The following ASH1L variants were observed in gnomAD, a reference collection of about 807,000 sequenced individuals.
The protein encoded by ASH1L is histone-lysine N-methyltransferase ASH1L.
In ASH1L, 23 loss-of-function variants were observed where a neutral mutation model predicts 269.0. The ratio of observed to expected loss-of-function variants is 0.09; its 90% CI spans 0.06 to 0.12. The LOEUF is 0.12. Among genes scored for constraint, ASH1L ranks in the 10% least tolerant of loss-of-function variants. ASH1L has a pLI of 1.00. For synonymous variants in ASH1L, 1,187 were observed against 1,253.5 expected, an observed-to-expected ratio of 0.95 and a Z score of 1.12; for missense variants, 2,912 against 3,567.8, an observed-to-expected ratio of 0.82 and a Z score of 4.68.
Position 155,521,345 on chromosome 1 carries a change from C to G in ASH1L, c.175G>C (p.Glu59Gln). The G allele has an allele frequency of 6.2e-7, 1 of 1,614,106 alleles. No individual in the cohort carries two copies. The highest frequency in any genetic ancestry group is 8.5e-7 in the Non-Finnish European group (1 of 1,180,030). Residue 59 changes from glutamate (E) to glutamine (Q), a missense_variant, in exon 2 of 28, where the codon GAA (glutamate) becomes CAA (glutamine). Transcript: ENST00000392403. The part of the protein sequence containing the change: ...LRKRNRERNI[E>Q]AGKDDGLTDA... ...GTCAAACCATCATCTTTCCCAGCTT[C>G]GATGTTTCTTTCTCGATTCCGTTTG...
intron 26 of ASH1L, among the ~76,000 whole-genome samples, chr1:155,338,663 T>C (rs1652516500): frequency 6.6e-6 from 1 of 152,218 alleles, no homozygotes; most frequent in South Asian, 2.1e-4. Context: ...GCTAATAAAA[T>C]TGCTTAGCTG....
At chr1:155,416,643 C>A (rs941904296) in intron 5 of ASH1L, among the ~76,000 whole-genome samples, 7 of 151,992 alleles carry the variant, frequency 4.6e-5, no homozygotes, top group African/African-American at 1.7e-4. Context: ...TGAAGCGATT[C>A]TCCTGCCTCA....
At chr1:155,541,540 A>G (rs1217677096) in intron 1 of ASH1L, among the ~76,000 whole-genome samples, 3 of 152,176 alleles carry the variant, frequency 2.0e-5, no homozygotes, top group African/African-American at 7.2e-5. Context: ...CAAAATTGGA[A>G]GCAATTTCTA....
chr1:155,378,761 A>C (rs556106495), intron 8 of ASH1L, among the ~76,000 whole-genome samples: 2 of 152,214 alleles, frequency 1.3e-5, no homozygotes, highest in Admixed American at 6.5e-5. Flanking sequence ...TCAACAGAAG[A>C]AGCACTAAAT....
In ASH1L at chr1:155,435,289, A is replaced by G. The variant is rs536084170; in HGVS notation, c.5828+3038T>C. On this transcript the variant is annotated intron_variant, in intron 5 of 27. Transcript: ENST00000392403. ...ACTCATAGCTAATATTCAGTATTAC[A>G]TAAGTGACATAAAGAGCTAAATATA... Among the ~76,000 whole-genome samples the G allele has an allele frequency of 2.6e-5, 4 of 152,376 alleles. No individual in the cohort carries two copies. In the South Asian group the frequency reaches 6.2e-4, roughly 24 times the overall value.
intron 4 of ASH1L, among the ~76,000 whole-genome samples, chr1:155,454,249 TTTATGTAACTTCCA>T (rs906659959): frequency 3.4e-4 from 52 of 152,294 alleles, no homozygotes; most frequent in African/African-American, 1.2e-3. Flanking sequence ...GGTTGAATGG[TTTATGTAACTTCCA>T]CAAGGTTACA....
intron 6 of ASH1L, among the ~76,000 whole-genome samples, chr1:155,414,784 T>C (rs916273974): frequency 4.6e-5 from 7 of 152,194 alleles, no homozygotes; most frequent in Non-Finnish European, 5.9e-5. Context: ...GACTGGAATA[T>C]CCTTCTCCAT....
In ASH1L at chr1:155,479,317, G is replaced by C. The variant is rs1558148184; in HGVS notation, c.3553C>G (p.Pro1185Ala). 20 of 1,614,006 alleles carry C rather than the reference G, an allele frequency of 1.2e-5. No individual in the cohort carries two copies. Among genetic ancestry groups the C allele is most frequent in the Admixed American group, 1.7e-5 (1 of 60,000 alleles). Residue 1185 changes from proline to alanine, a missense_variant, in exon 3 of 28, where the codon CCT becomes GCT. Transcript: ENST00000392403. ...CTATGAGACTCACTGATTGGGGAAG[G>C]AGTAGCTTCTTTTAGAGATGTGAGT... The part of the protein sequence containing the change: ...SELTSLKEAT[P>A]SPISESHSDE...
At chr1:155,450,900 A>G (rs1239044466) in intron 4 of ASH1L, among the ~76,000 whole-genome samples, 3 of 152,148 alleles carry the variant, frequency 2.0e-5, no homozygotes, top group African/African-American at 7.2e-5. Flanking sequence ...CACATGCTAA[A>G]AAATGGATAA....
intron 6 of ASH1L, chr1:155,396,024 G>A (rs1436170819): frequency 6.6e-6 from 1 of 152,136 alleles, no homozygotes; most frequent in African/African-American, 2.4e-5. Flanking sequence ...TTAGTAGTTG[G>A]GAAGGAGATT....
At position 155,478,293 on chromosome 1, in the gene ASH1L, T is replaced by C. The variant is rs751238401; in HGVS notation, c.4577A>G (p.Glu1526Gly). ...RYRFGKDAVG[E>G]RYKHKEKHRC... is the part of the protein sequence containing the mutation. ...GTGCTTTTCCTTATGCTTATATCGC[T>C]CTCCAACAGCATCCTTTCCAAATCT... Residue 1526 changes from glutamate (E) to glycine (G), a missense_variant, in exon 3 of 28, where the codon GAG (glutamate) becomes GGG (glycine). Transcript: ENST00000392403. The surrounding 1 kb of genome is among the most constrained non-coding windows in gnomAD (Gnocchi z 4.6). 4.3e-6 allele frequency: 7 copies of C among 1,614,052 alleles called. No individual in the cohort carries two copies. The highest frequency in any genetic ancestry group is 5.9e-6 in the Non-Finnish European group (7 of 1,179,996).
chr1:155,411,312 C>T (rs1393400402), intron 6 of ASH1L, among the ~76,000 whole-genome samples: 1 of 151,658 alleles, frequency 6.6e-6, no homozygotes, highest in Non-Finnish European at 1.5e-5. Context: ...AAGAATAAAC[C>T]ATTTTCTTCC....
At chr1:155,486,240 C>A (rs1455456814) in intron 2 of ASH1L, among the ~76,000 whole-genome samples, 2 of 152,084 alleles carry the variant, frequency 1.3e-5, no homozygotes, top group African/African-American at 4.8e-5. Flanking sequence ...ACTTGATTGA[C>A]TCAGAATAAA....
At position 155,521,473 on chromosome 1, in the gene ASH1L, T is replaced by C; in HGVS notation, c.47A>G (p.Glu16Gly). 1 of 1,614,030 alleles carries C rather than the reference T, an allele frequency of 6.2e-7. No homozygotes were observed. The highest frequency in any genetic ancestry group is 8.5e-7 in the Non-Finnish European group (1 of 1,180,010). ...TAMLGLGSDS[E>G]GFSRKSPSAI... is the part of the protein sequence containing the mutation. ...AGAAGGACTCTTTCTTGAAAAACCT[T>C]CGGAATCAGAACCCAATCCTAACAT... The change falls in exon 2 of 28, where the codon GAA (glutamate) becomes GGA (glycine). Residue 16 changes from glutamate (E) to glycine (G), a missense_variant. Glu to Gly is a moderately conservative substitution (Grantham distance 98). This residue lies in a region of ASH1L where 115 missense variants were observed against 101.5 expected (regional missense o/e 1.13). Transcript: ENST00000392403.
At chr1:155,549,214 G>A (rs1671033114) in intron 1 of ASH1L, among the ~76,000 whole-genome samples, 1 of 152,080 alleles carries the variant, frequency 6.6e-6, no homozygotes, top group Non-Finnish European at 1.5e-5. Flanking sequence ...ATTGTGTCGT[G>A]AGCCTGTAAT....
chr1:155,499,279 T>C (rs1393170229), intron 2 of ASH1L, among the ~76,000 whole-genome samples: 4 of 152,204 alleles, frequency 2.6e-5, no homozygotes, highest in African/African-American at 7.2e-5. Flanking sequence ...GGAATAGACA[T>C]AAGGTGTCAA....
intron 1 of ASH1L, among the ~76,000 whole-genome samples, chr1:155,558,971 A>G (rs564670797): frequency 7.2e-4 from 108 of 150,610 alleles, no homozygotes; most frequent in Non-Finnish European, 1.4e-3. Flanking sequence ...CAGCATCCCA[A>G]CTGGCTGGGA....
chr1:155,428,438 G>A (rs1012383988), intron 5 of ASH1L, among the ~76,000 whole-genome samples: 33 of 96,074 alleles, frequency 3.4e-4, no homozygotes, highest in African/African-American at 8.0e-4. Flanking sequence ...ATGAAATTCC[G>A]TCTCAAAAAA....
intron 1 of ASH1L, among the ~76,000 whole-genome samples, chr1:155,524,421 C>G (rs1248852875): frequency 1.3e-5 from 2 of 150,612 alleles, no homozygotes; most frequent in African/African-American, 4.9e-5. Context: ...ACTCGGAAGG[C>G]TGAGGCAGGA....
Sources: allele counts gnomAD v4.1 joint callset (sites outside exome capture counted in the v4.1 genomes callset), GRCh38; gene constraint gnomAD v4.1.1; regional missense constraint gnomAD v4.1.1; non-coding constraint Gnocchi (gnomAD v3.1); transcripts MANE v1.5; gene names NCBI Gene and HGNC (gene_info 2026-07-23, HGNC 2026-07-21).